TLN2: variants seen among roughly 807,000 people sequenced by gnomAD.
The protein encoded by TLN2 is talin 2, also known as talin-2.
TLN2 carries 118 observed loss-of-function variants against 294.7 expected under a neutral mutation model. The observed-to-expected ratio is 0.40, with a 90% CI of 0.34 to 0.47. TLN2 has a LOEUF of 0.47. Among genes scored for constraint, TLN2 ranks in the 20% least tolerant of loss-of-function variants. The pLI is 0.84. For missense variants in TLN2, 3,083 were observed against 3,282.2 expected, an observed-to-expected ratio of 0.94 and a Z score of 1.48; for synonymous variants, 1,431 against 1,304.5, an observed-to-expected ratio of 1.10 and a Z score of -2.09.
intron 1 of TLN2, among the ~76,000 whole-genome samples, chr15:62,563,922 G>T (rs981668981): frequency 2.0e-5 from 3 of 152,290 alleles, no homozygotes; most frequent in South Asian, 2.1e-4. Context: ...ATGGAAGGGG[G>T]TGGGGTTCTC....
intron 1 of TLN2, among the ~76,000 whole-genome samples, chr15:62,528,531 G>C (rs542004780): frequency 6.6e-6 from 1 of 152,180 alleles, no homozygotes; most frequent in Non-Finnish European, 1.5e-5. Flanking sequence ...CTGAGGGCCA[G>C]ATCTGAGAAT....
intron 1 of TLN2, among the ~76,000 whole-genome samples, chr15:62,533,276 A>AAAAAAT: frequency 6.6e-6 from 1 of 151,006 alleles, no homozygotes; most frequent in Non-Finnish European, 1.5e-5. Flanking sequence ...AAAAAAAAAA[A>AAAAAAT]AGTGGATTCT....
intron 1 of TLN2, among the ~76,000 whole-genome samples, chr15:62,476,953 C>T (rs982792654): frequency 1.3e-4 from 20 of 152,166 alleles, no homozygotes; most frequent in African/African-American, 4.3e-4. Context: ...CTGATCCTTC[C>T]GTGTGTCTGT....
chr15:62,593,416 C>G (rs2046237842), intron 2 of TLN2, among the ~76,000 whole-genome samples: 1 of 152,160 alleles, frequency 6.6e-6, no homozygotes, highest in African/African-American at 2.4e-5. Flanking sequence ...AATTTCCAGG[C>G]TATTTTTCAT....
chr15:62,490,471 G>A (rs888267213), intron 1 of TLN2, among the ~76,000 whole-genome samples: 7 of 152,036 alleles, frequency 4.6e-5, no homozygotes, highest in African/African-American at 1.4e-4. Flanking sequence ...AATATACTTG[G>A]GCATGTATTC....
chr15:62,756,939 A>G (rs901233479), intron 37 of TLN2, among the ~76,000 whole-genome samples: 3 of 152,160 alleles, frequency 2.0e-5, no homozygotes, highest in Admixed American at 2.0e-4. Flanking sequence ...CCCTATTTGA[A>G]GGCAAGAGTA....
intron 19 of TLN2, among the ~76,000 whole-genome samples, 170 bp downstream of exon 19, chr15:62,703,034 T>C (rs1368789154): frequency 6.6e-6 from 1 of 152,192 alleles, no homozygotes; most frequent in African/African-American, 2.4e-5. Context: ...AAAAAGATTT[T>C]TTTTAATAGG....
At chr15:62,581,656 AG>A (rs2045042876) in intron 1 of TLN2, among the ~76,000 whole-genome samples, 1 of 152,170 alleles carries the variant, frequency 6.6e-6, no homozygotes, top group African/African-American at 2.4e-5. Flanking sequence ...GGAGGTGGGA[AG>A]GAAGGCATAA....
At chr15:62,680,710 G>GT (rs1228327252) in intron 11 of TLN2, among the ~76,000 whole-genome samples, 1 of 151,832 alleles carries the variant, frequency 6.6e-6, no homozygotes, top group Non-Finnish European at 1.5e-5. Context: ...TTACTGTATA[G>GT]TTTTTTATCT....
chr15:62,800,469 G>A lies in TLN2; in HGVS notation c.6336G>A (p.Met2112Ile). ...GCAAGCCAGTGGACGACCCTTCCAT[G>A]TACCAGCTCAAGGGGGCTGCCAAGG... ...AASKPVDDPS[M>I]YQLKGAAKVM... The change falls in exon 49 of 59, where the codon ATG (methionine) becomes ATA (isoleucine). Residue 2112 changes from methionine to isoleucine, a missense_variant. Physicochemically the swap from Met to Ile is conservative, Grantham distance 10. Coordinates refer to ENST00000636159, the MANE Select transcript of TLN2 (RefSeq NM_015059.3). The A allele has an allele frequency of 6.2e-7, 1 of 1,614,190 alleles. No homozygotes were observed. The highest frequency in any genetic ancestry group is 8.5e-7 in the Non-Finnish European group (1 of 1,180,040).
At chr15:62,506,650 T>G (rs756552787) in intron 1 of TLN2, among the ~76,000 whole-genome samples, 2 of 152,226 alleles carry the variant, frequency 1.3e-5, no homozygotes, top group Non-Finnish European at 2.9e-5. Context: ...CATTGTCTTC[T>G]GACCTTTCCC....
intron 2 of TLN2, among the ~76,000 whole-genome samples, chr15:62,613,868 G>A (rs1470252245): frequency 6.2e-5 from 9 of 144,130 alleles, no homozygotes; most frequent in African/African-American, 1.5e-4. Flanking sequence ...AAAAAAAAAA[G>A]AGTGTATACT....
In TLN2 at chr15:62,463,709, C is replaced by T. The variant is rs999440705; in HGVS notation, c.-238+73024C>T. Among the ~76,000 whole-genome samples the T allele has an allele frequency of 2.6e-5, 4 of 152,254 alleles. No individual in the cohort carries two copies. The East Asian group carries it at 7.7e-4, about 29-fold the overall frequency. ...GACCATCCTGGCTAACACGGTGAAA[C>T]CCCGTCTCTACTAAAAACACACAAA... On this transcript the variant is annotated intron_variant, in intron 1 of 58. Coordinates refer to ENST00000636159, the MANE Select transcript of TLN2 (RefSeq NM_015059.3).
intron 3 of TLN2, among the ~76,000 whole-genome samples, chr15:62,635,302 AAAAT>A (rs2050268858): frequency 6.6e-6 from 1 of 152,246 alleles, no homozygotes; most frequent in East Asian, 1.9e-4. Context: ...GTTTCAAAAA[AAAAT>A]CCTTATTGCA....
chr15:62,708,874 G>A (rs974721661), intron 21 of TLN2, 78 bp downstream of exon 21: 5 of 1,481,050 alleles, frequency 3.4e-6, no homozygotes, highest in Non-Finnish European at 3.6e-6. Flanking sequence ...TAGGGAAGGT[G>A]AAGGCTGCCT....
chr15:62,649,881 T>C (rs2052389853), intron 4 of TLN2: 1 of 528,434 alleles, frequency 1.9e-6, no homozygotes, highest in African/African-American at 1.9e-5. Flanking sequence ...ACCTTATTTG[T>C]GGGTGTTGCT....
In TLN2 at chr15:62,651,874, A is replaced by G. The variant is rs200101249; in HGVS notation, c.235-131A>G. The G allele has an allele frequency of 1.1e-5, 12 of 1,104,560 alleles. No individual in the cohort carries two copies. In the East Asian group the frequency reaches 2.8e-4, roughly 26 times the overall value. 68.4% of individuals were successfully genotyped at this position (1,104,560 alleles called of 1,614,324 possible). The stretch of plus-strand genomic sequence containing the variant: ...TGAAAACTTTGAAAGGTTTTCAAAG[A>G]TGTTTTAGAAGAAAGGGAAAATCAG... On this transcript the variant is annotated intron_variant, in intron 5 of 58. Transcript: ENST00000636159.
At chr15:62,818,930 A>G (rs1419035641) in intron 52 of TLN2, among the ~76,000 whole-genome samples, 1 of 151,898 alleles carries the variant, frequency 6.6e-6, no homozygotes, top group East Asian at 1.9e-4. Flanking sequence ...ACCACTGCTC[A>G]CTGCAGCCTT....
intron 3 of TLN2, among the ~76,000 whole-genome samples, chr15:62,641,161 G>A (rs2140914558): frequency 6.6e-6 from 1 of 152,224 alleles, no homozygotes; most frequent in South Asian, 2.1e-4. Context: ...CATGTAGACA[G>A]GAGTTGTACC....
Sources: allele counts gnomAD v4.1 joint callset (sites outside exome capture counted in the v4.1 genomes callset), GRCh38; gene constraint gnomAD v4.1.1; transcripts MANE v1.5; gene names NCBI Gene and HGNC (gene_info 2026-07-23, HGNC 2026-07-21).